Variants in FAM193A observed in about 807,000 individuals in gnomAD.
FAM193A encodes protein FAM193A.
FAM193A carries 22 observed loss-of-function variants against 126.5 expected under a neutral mutation model. That is an observed-to-expected ratio of 0.17 (90% CI 0.12 to 0.25). The LOEUF is 0.25. Ranked by LOEUF, FAM193A falls within the 10% of genes least tolerant of loss-of-function variation. FAM193A has a pLI of 1.00. For synonymous variants in FAM193A, 761 were observed against 646.8 expected, an observed-to-expected ratio of 1.18 and a Z score of -2.68; for missense variants, 1,675 against 1,672.8, an observed-to-expected ratio of 1.00 and a Z score of -0.02.
At position 2,602,959 on chromosome 4, in the gene FAM193A, C is replaced by CTTTTT. The variant is rs71178487; in HGVS notation, c.501+6653_501+6657dup. Among the ~76,000 whole-genome samples, 133 of 42,304 alleles carry CTTTTT rather than the reference C, an allele frequency of 3.1e-3. 40 individuals carry two copies. The highest frequency in any genetic ancestry group is 0.015 in the African/African-American group (129 of 8,682). 27.8% of individuals were successfully genotyped at this position (42,304 alleles called of 152,430 possible). On this transcript the variant is annotated intron_variant, in intron 2 of 20. Coordinates refer to ENST00000637812, the MANE Select transcript of FAM193A (RefSeq NM_001366318.2). ...ACAAGTGTGAGCCACTGCACCCGGC[C>CTTTTT]TTTTTTTTTTTTTTTTTTTTTTTTT...
At chr4:2,677,473 G>A (rs1218467471) in intron 13 of FAM193A, among the ~76,000 whole-genome samples, 1 of 151,992 alleles carries the variant, frequency 6.6e-6, no homozygotes, top group Non-Finnish European at 1.5e-5. Flanking sequence ...GGGCACGGTG[G>A]CTTACACTTG....
chr4:2,727,946 T>C (rs1357251624), intron 20 of FAM193A, among the ~76,000 whole-genome samples: 1 of 151,910 alleles, frequency 6.6e-6, no homozygotes, highest in East Asian at 1.9e-4. Flanking sequence ...AAAAATTATT[T>C]TATTTATTTT....
At chr4:2,660,905 A>G (rs1330450789) in intron 10 of FAM193A, among the ~76,000 whole-genome samples, 1 of 152,218 alleles carries the variant, frequency 6.6e-6, no homozygotes, top group African/African-American at 2.4e-5. Flanking sequence ...TCATACAAAG[A>G]TTGCAGGCTG....
At chr4:2,582,991 G>C (rs1023519982) in intron 1 of FAM193A, among the ~76,000 whole-genome samples, 1 of 152,008 alleles carries the variant, frequency 6.6e-6, no homozygotes, top group African/African-American at 2.4e-5. Context: ...TTTTTGAGAC[G>C]GAGTTTTGCT....
At chr4:2,576,008 A>G (rs1739564205) in intron 1 of FAM193A, among the ~76,000 whole-genome samples, 1 of 152,300 alleles carries the variant, frequency 6.6e-6, no homozygotes, top group South Asian at 2.1e-4. Flanking sequence ...GCAGCAGTCC[A>G]GGAGGTCAGA....
chr4:2,565,650 A>C (rs1297121106), intron 1 of FAM193A, among the ~76,000 whole-genome samples: 1 of 152,226 alleles, frequency 6.6e-6, no homozygotes, highest in Non-Finnish European at 1.5e-5. Context: ...GCAGGATTGC[A>C]GAAAGAGTAA....
At chr4:2,638,195 G>C (rs1023499370) in intron 5 of FAM193A, among the ~76,000 whole-genome samples, 2 of 152,208 alleles carry the variant, frequency 1.3e-5, no homozygotes, top group Non-Finnish European at 2.9e-5. Context: ...TGTACTCTTT[G>C]TCTTGTAGCT....
At chr4:2,597,672 G>A (rs1740944562) in intron 2 of FAM193A, among the ~76,000 whole-genome samples, 4 of 152,132 alleles carry the variant, frequency 2.6e-5, no homozygotes, top group Non-Finnish European at 1.5e-5. Context: ...GTGTAGTGTT[G>A]GCCTGTGTTT....
In FAM193A at chr4:2,659,665, G is replaced by A; in HGVS notation, c.1497G>A (p.Arg499=). ...CCGACTGCCCCAACTGCAACTACAG[G>A]AGAAGGTAAGGCTGGGTTGTGGTGT... The part of the protein sequence containing the change: ...SMPDCPNCNY[R]RRCACDDCSL... Residue 499 remains arginine (R), a synonymous_variant, in exon 9 of 21, where the codon AGG becomes AGA. Transcript: ENST00000637812. The A allele has an allele frequency of 1.9e-6, 3 of 1,613,876 alleles. No individual in the cohort carries two copies. The highest frequency in any genetic ancestry group is 2.5e-6 in the Non-Finnish European group (3 of 1,179,766).
intron 19 of FAM193A, among the ~76,000 whole-genome samples, chr4:2,709,679 A>T (rs1385725625): frequency 1.3e-5 from 2 of 152,218 alleles, no homozygotes; most frequent in Non-Finnish European, 2.9e-5. Flanking sequence ...ACTGCACTCC[A>T]GCCTGGGACA....
At chr4:2,609,935 A>G (rs1248670673) in intron 2 of FAM193A, among the ~76,000 whole-genome samples, 4 of 150,906 alleles carry the variant, frequency 2.7e-5, no homozygotes, top group African/African-American at 9.8e-5. Context: ...CTTAAAAAAA[A>G]AAAAAGAGTT....
At chr4:2,581,624 G>A (rs936254260) in intron 1 of FAM193A, among the ~76,000 whole-genome samples, 1 of 151,972 alleles carries the variant, frequency 6.6e-6, no homozygotes, top group African/African-American at 2.4e-5. Flanking sequence ...GTTTGAGAAA[G>A]TCTTTCTCCT....
At chr4:2,651,203 G>A (rs1434989210) in intron 7 of FAM193A, among the ~76,000 whole-genome samples, 2 of 152,180 alleles carry the variant, frequency 1.3e-5, no homozygotes, top group African/African-American at 4.8e-5. Flanking sequence ...GGTGGCACAT[G>A]CCTGTAATCT....
chr4:2,576,145 G>A (rs1033261828), intron 1 of FAM193A, among the ~76,000 whole-genome samples: 1 of 152,156 alleles, frequency 6.6e-6, no homozygotes, highest in Non-Finnish European at 1.5e-5. Context: ...CGCCCGGGCT[G>A]CAGTGCAGTG....
intron 13 of FAM193A, among the ~76,000 whole-genome samples, chr4:2,675,737 C>T (rs888081805): frequency 2.0e-5 from 3 of 152,150 alleles, no homozygotes; most frequent in East Asian, 1.9e-4. Flanking sequence ...AGCCATCATC[C>T]GTCTCCATAA....
chr4:2,675,010 A>G (rs1380648040), intron 13 of FAM193A, among the ~76,000 whole-genome samples: 2 of 152,250 alleles, frequency 1.3e-5, no homozygotes, highest in African/African-American at 4.8e-5. Flanking sequence ...TAAAAACTGT[A>G]AGTGCCAGAG....
At chr4:2,686,393 G>C (rs927925576) in intron 13 of FAM193A, among the ~76,000 whole-genome samples, 1 of 152,116 alleles carries the variant, frequency 6.6e-6, no homozygotes, top group Non-Finnish European at 1.5e-5. Context: ...TAGACTCTAG[G>C]AAGACAAAAA....
upstream of FAM193A, among the ~76,000 whole-genome samples, chr4:2,536,439 G>C (rs1306389258): frequency 1.3e-5 from 2 of 151,816 alleles, no homozygotes; most frequent in African/African-American, 4.8e-5. Context: ...GTCCACCCCC[G>C]GGTACCCCCA....
chr4:2,548,868 C>A (rs899255407), intron 1 of FAM193A, among the ~76,000 whole-genome samples: 1 of 151,850 alleles, frequency 6.6e-6, no homozygotes. Context: ...TGTTTTAGCT[C>A]AAGGTTATGA....
Sources: gnomAD v4.1 joint callset for allele counts (sites outside exome capture counted in the v4.1 genomes callset) on GRCh38, gnomAD v4.1.1 for gene constraint, MANE v1.5 for transcripts, NCBI Gene and HGNC (gene_info 2026-07-23, HGNC 2026-07-21) for gene names.